The following PHKB variants were observed in gnomAD, a reference collection of about 807,000 sequenced individuals.
PHKB encodes phosphorylase b kinase regulatory subunit beta.
PHKB carries 122 observed loss-of-function variants against 152.1 expected under a neutral mutation model. The observed-to-expected ratio is 0.80, with a 90% CI of 0.69 to 0.93. The LOEUF is 0.93. Among genes scored for constraint, PHKB ranks in the 40% least tolerant of loss-of-function variants. PHKB has a pLI of 0.00. For synonymous variants in PHKB, 436 were observed against 464.9 expected, an observed-to-expected ratio of 0.94 and a Z score of 0.80; for missense variants, 1,304 against 1,328.4, an observed-to-expected ratio of 0.98 and a Z score of 0.29.
chr16:47,472,053 C>T (rs1486835169), intron 1 of PHKB, among the ~76,000 whole-genome samples: 1 of 151,942 alleles, frequency 6.6e-6, no homozygotes, highest in African/African-American at 2.4e-5. Context: ...GAGACTCCGT[C>T]TCAAAAAATA....
At chr16:47,642,726 C>G (rs1166960190) in intron 16 of PHKB, among the ~76,000 whole-genome samples, 1 of 152,096 alleles carries the variant, frequency 6.6e-6, no homozygotes, top group Admixed American at 6.6e-5. Context: ...CAAACCAGAA[C>G]CTGGGTGTCA....
Position 47,690,796 on chromosome 16 carries a change from T to G in PHKB, c.2765+1621T>G, listed in dbSNP as rs1306090680. On this transcript the variant is annotated intron_variant, in intron 27 of 30. Transcript: ENST00000323584. The stretch of plus-strand genomic sequence containing the variant: ...GTGTTTCCACTCAAGATGCTTAAAT[T>G]GTAAAGGAAAAAATAGTGATTTTAC... Among the ~76,000 whole-genome samples, 6 of 152,212 alleles carry G rather than the reference T, an allele frequency of 3.9e-5. No individual in the cohort carries two copies. In the East Asian group the frequency reaches 1.2e-3, roughly 29 times the overall value.
At chr16:47,511,874 T>G (rs887676109) in intron 5 of PHKB, 102 bp downstream of exon 5, 1 of 766,608 alleles carries the variant, frequency 1.3e-6, no homozygotes, top group Non-Finnish European at 2.3e-6. Flanking sequence ...GAAAACAAGT[T>G]TTCCACGGAT....
intron 14 of PHKB, among the ~76,000 whole-genome samples, chr16:47,638,265 C>G (rs1391854912): frequency 6.6e-6 from 1 of 151,980 alleles, no homozygotes; most frequent in East Asian, 1.9e-4. Flanking sequence ...ATGGTGGAAG[C>G]CAATGGGATC....
At chr16:47,568,910 A>T (rs1383089416) in intron 7 of PHKB, among the ~76,000 whole-genome samples, 1 of 152,076 alleles carries the variant, frequency 6.6e-6, no homozygotes, top group Non-Finnish European at 1.5e-5. Context: ...TTGATTTTTT[A>T]AATTTATTGC....
At chr16:47,603,473 CT>C (rs1332005764) in intron 13 of PHKB, among the ~76,000 whole-genome samples, 1 of 129,268 alleles carries the variant, frequency 7.7e-6, no homozygotes, top group Admixed American at 7.3e-5. Flanking sequence ...GGAAGACTTT[CT>C]TTAGCTTTAT....
chr16:47,582,182 CTGAG>C, intron 8 of PHKB, among the ~76,000 whole-genome samples: 1 of 152,306 alleles, frequency 6.6e-6, no homozygotes, highest in South Asian at 2.1e-4. Flanking sequence ...CTGAATGGAG[CTGAG>C]TGTCTCTTGG....
Position 47,610,905 on chromosome 16 carries a change from G to A in PHKB, c.1443G>A (p.Met481Ile). The change falls in exon 14 of 31, where the codon ATG becomes ATA. Residue 481 changes from methionine to isoleucine, a missense_variant. Met to Ile is a conservative substitution (Grantham distance 10). Transcript: ENST00000323584. ...VPLKDQRNVSMRFSNQGPLEN... is the reference protein window; with the variant it reads ...VPLKDQRNVSIRFSNQGPLEN... ...TAAAGGATCAACGTAACGTGAGCAT[G>A]AGGTTTTCCAATCAGGTAAAGAATT... is the stretch of plus-strand genomic sequence containing the variant. The A allele has an allele frequency of 6.3e-7, 1 of 1,583,646 alleles. No individual in the cohort carries two copies. The highest frequency in any genetic ancestry group is 2.2e-5 in the East Asian group (1 of 44,724).
chr16:47,579,030 C>A (rs559468855), intron 7 of PHKB, among the ~76,000 whole-genome samples: 2 of 152,092 alleles, frequency 1.3e-5, no homozygotes, highest in East Asian at 3.9e-4. Flanking sequence ...AAACCCAGGG[C>A]AGTTACCATA....
chr16:47,671,900 G>A (rs1472720881), intron 26 of PHKB, among the ~76,000 whole-genome samples: 1 of 152,072 alleles, frequency 6.6e-6, no homozygotes, highest in Admixed American at 6.6e-5. Context: ...ATTTATGAAT[G>A]TCCTAGATAA....
rs548814890 is a variant in PHKB at position 47,548,358 on chromosome 16, G to A, written c.710+810G>A. 1.8e-4 allele frequency among the ~76,000 whole-genome samples: 28 copies of A among 152,132 alleles called. 1 individual carries two copies. Among genetic ancestry groups the A allele is most frequent in the African/African-American group, 5.8e-4 (24 of 41,516 alleles). On this transcript the variant is annotated intron_variant, in intron 7 of 30. Coordinates refer to ENST00000323584, the MANE Select transcript of PHKB (RefSeq NM_000293.3). ...GCACGGTGGCTCACGCCTGTAATCC[G>A]GGCACTTTGGGAGGCCGAGGTGGGC...
chr16:47,577,972 A>G (rs1261356994), intron 7 of PHKB, among the ~76,000 whole-genome samples: 1 of 152,066 alleles, frequency 6.6e-6, no homozygotes, highest in Non-Finnish European at 1.5e-5. Flanking sequence ...ATACTTTGTT[A>G]TGATCCCACA....
At chr16:47,538,792 C>G (rs754210324) in intron 6 of PHKB, among the ~76,000 whole-genome samples, 1 of 152,184 alleles carries the variant, frequency 6.6e-6, no homozygotes, top group Non-Finnish European at 1.5e-5. Context: ...TCCACCAGTT[C>G]CCTCCCATGT....
At chr16:47,576,475 GAA>G (rs1971751401) in intron 7 of PHKB, among the ~76,000 whole-genome samples, 1 of 152,162 alleles carries the variant, frequency 6.6e-6, no homozygotes, top group Non-Finnish European at 1.5e-5. Context: ...TAAGGATTTT[GAA>G]TGTCAATGCT....
chr16:47,548,006 A>G lies in PHKB; in HGVS notation c.710+458A>G, dbSNP rs1049072436. ...TTACACTGTTCACATAAAACTTAAC[A>G]TTCATTGTTACCAGTAAGGTGTGTG... On this transcript the variant is annotated intron_variant, in intron 7 of 30. Transcript: ENST00000323584. The G allele has an allele frequency of 1.7e-5, 3 of 178,070 alleles. No homozygotes were observed. The South Asian group carries it at 3.6e-4, about 21-fold the overall frequency. The allele number at this position is 178,070 out of a possible 1,614,324, so 11.0% of individuals were successfully genotyped here.
chr16:47,690,991 AG>A (rs1974050026), intron 27 of PHKB, among the ~76,000 whole-genome samples: 1 of 152,174 alleles, frequency 6.6e-6, no homozygotes, highest in Non-Finnish European at 1.5e-5. Context: ...AGGCTGGAGC[AG>A]GAGCGTCCTT....
intron 20 of PHKB, among the ~76,000 whole-genome samples, chr16:47,658,266 G>T (rs1047642484): frequency 1.3e-5 from 2 of 152,034 alleles, no homozygotes; most frequent in African/African-American, 4.8e-5. Flanking sequence ...TCTTCCTTCA[G>T]ATCCATATCA....
At chr16:47,587,828 C>A in intron 9 of PHKB, 65 bp downstream of exon 9, 1 of 1,201,168 alleles carries the variant, frequency 8.3e-7, no homozygotes, top group South Asian at 1.2e-5. Flanking sequence ...GTAGTTATAT[C>A]TTAATTTCCA....
rs552939422 is a variant in PHKB at position 47,551,390 on chromosome 16, T to C, written c.710+3842T>C. On this transcript the variant is annotated intron_variant, in intron 7 of 30. Transcript: ENST00000323584. ...TCCTCTAAACACGGCTTTAGCTGTG[T>C]CCCAGAGATTCTGGTACATTGTGTC... 1.4e-4 allele frequency among the ~76,000 whole-genome samples: 21 copies of C among 152,318 alleles called. No homozygotes were observed. The East Asian group carries it at 3.5e-3, about 25-fold the overall frequency.
Sources: gnomAD v4.1 joint callset for allele counts (sites outside exome capture counted in the v4.1 genomes callset) on GRCh38, gnomAD v4.1.1 for gene constraint, MANE v1.5 for transcripts, NCBI Gene and HGNC (gene_info 2026-07-23, HGNC 2026-07-21) for gene names.